The following PTPDC1 variants were observed in gnomAD, a reference collection of about 807,000 sequenced individuals.
PTPDC1 encodes the protein protein tyrosine phosphatase domain containing 1, also known as protein tyrosine phosphatase domain-containing protein 1.
A neutral mutation model predicts 75.3 loss-of-function variants in PTPDC1; 53 were observed. The ratio of observed to expected loss-of-function variants is 0.70; its 90% CI spans 0.56 to 0.88. The LOEUF (loss-of-function observed/expected upper bound fraction) is 0.88, where lower values mean the gene tolerates loss of function less well. PTPDC1 is among the 40% of genes least tolerant of loss of function. PTPDC1 has a pLI of 0.00. For missense variants in PTPDC1, 925 were observed against 998.6 expected, an observed-to-expected ratio of 0.93 and a Z score of 0.99; for synonymous variants, 349 against 366.2, an observed-to-expected ratio of 0.95 and a Z score of 0.54.
intron 1 of PTPDC1, chr9:94,038,194 C>G (rs1222407456): frequency 1.3e-6 from 1 of 751,568 alleles, no homozygotes; most frequent in African/African-American, 1.7e-5. Context: ...CCAATAAAAA[C>G]AAAGGCATCA....
intron 4 of PTPDC1, 75 bp from the exon 5 acceptor site, chr9:94,095,242 T>C (rs1827513178): frequency 9.5e-7 from 1 of 1,055,800 alleles, no homozygotes; most frequent in African/African-American, 1.8e-5. Context: ...TGTAGATCTG[T>C]GTACTTTTCA....
intron 2 of PTPDC1, among the ~76,000 whole-genome samples, chr9:94,078,143 T>C (rs939925656): frequency 6.6e-6 from 1 of 152,204 alleles, no homozygotes; most frequent in African/African-American, 2.4e-5. Flanking sequence ...CACATTAGTC[T>C]TGGGTAACTT....
chr9:94,096,903 G>C (rs988705106), intron 5 of PTPDC1, among the ~76,000 whole-genome samples: 41 of 152,326 alleles, frequency 2.7e-4, no homozygotes, highest in African/African-American at 8.7e-4. Context: ...GGATTGATTG[G>C]ATGGAAATTC....
Position 94,069,493 on chromosome 9 carries a change from A to C in PTPDC1, c.82+4672A>C, listed in dbSNP as rs550241544. Among the ~76,000 whole-genome samples, 8 of 150,216 alleles carry C rather than the reference A, an allele frequency of 5.3e-5. No homozygotes were observed. In the East Asian group the frequency reaches 1.6e-3, roughly 29 times the overall value. On this transcript the variant is annotated intron_variant, in intron 2 of 9. Coordinates refer to the PTPDC1 transcript ENST00000375360. ...CTGTTTCTGTCTATATATATTGAAA[A>C]CCACAAGTTCACTTTGGTACTTCCA... is the stretch of plus-strand genomic sequence containing the variant.
At chr9:94,046,465 T>C (rs1399793678) in intron 1 of PTPDC1, among the ~76,000 whole-genome samples, 1 of 152,226 alleles carries the variant, frequency 6.6e-6, no homozygotes, top group Non-Finnish European at 1.5e-5. Context: ...TATTGATTCT[T>C]CCTACCTATG....
chr9:94,104,482 C>T, intron 8 of PTPDC1, 97 bp downstream of exon 8: 1 of 729,448 alleles, frequency 1.4e-6, no homozygotes, highest in Non-Finnish European at 2.3e-6. Flanking sequence ...TAAAATAAAA[C>T]ATGTATGTGT....
chr9:94,039,575 G>A (rs557285747), intron 1 of PTPDC1, among the ~76,000 whole-genome samples: 1 of 152,204 alleles, frequency 6.6e-6, no homozygotes, highest in African/African-American at 2.4e-5. Context: ...CTTAAGCTCA[G>A]GAATTCAAGA....
intron 1 of PTPDC1, among the ~76,000 whole-genome samples, chr9:94,050,260 G>A (rs753110652): frequency 9.2e-5 from 14 of 152,216 alleles, no homozygotes; most frequent in Admixed American, 1.3e-4. Context: ...CTGGTGAGGA[G>A]CTGTGTTCCT....
intron 2 of PTPDC1, among the ~76,000 whole-genome samples, chr9:94,065,022 G>A (rs1259075331): frequency 6.6e-6 from 1 of 152,192 alleles, no homozygotes; most frequent in Non-Finnish European, 1.5e-5. Flanking sequence ...CTTTTAAGAA[G>A]GAGTATTGCA....
At chr9:94,079,483 A>T (rs1826806441), upstream of PTPDC1, among the ~76,000 whole-genome samples, 3 of 152,030 alleles carry the variant, frequency 2.0e-5, no homozygotes, top group Non-Finnish European at 2.9e-5. Flanking sequence ...GCTGTTTTTG[A>T]GGTCAGTCTT....
At chr9:94,095,236 G>T in intron 4 of PTPDC1, 81 bp from the exon 5 acceptor site, 1 of 1,096,704 alleles carries the variant, frequency 9.1e-7, no homozygotes, top group Non-Finnish European at 1.3e-6. Flanking sequence ...TCTCAGTGTA[G>T]ATCTGTGTAC....
upstream of PTPDC1, among the ~76,000 whole-genome samples, chr9:94,080,751 A>G (rs1826848844): frequency 6.6e-6 from 1 of 152,234 alleles, no homozygotes; most frequent in Non-Finnish European, 1.5e-5. Flanking sequence ...AAACAGGACA[A>G]CTAAATACAA....
intron 1 of PTPDC1, among the ~76,000 whole-genome samples, chr9:94,039,030 C>T (rs1441407033): frequency 6.6e-6 from 1 of 152,078 alleles, no homozygotes; most frequent in African/African-American, 2.4e-5. Flanking sequence ...TAATCTAAGT[C>T]AAACTAAGTT....
intron 2 of PTPDC1, among the ~76,000 whole-genome samples, chr9:94,075,214 G>A (rs1826644949): frequency 6.6e-6 from 1 of 152,184 alleles, no homozygotes; most frequent in African/African-American, 2.4e-5. Context: ...ATTGGGGTAT[G>A]GAAAATTAGC....
At chr9:94,036,584 T>C (rs1825277147) in intron 1 of PTPDC1, among the ~76,000 whole-genome samples, 2 of 152,200 alleles carry the variant, frequency 1.3e-5, no homozygotes, top group South Asian at 4.1e-4. Context: ...CCTTGTGATA[T>C]TAACCCGTAA....
At chr9:94,059,816 C>A (rs1826073625) in intron 1 of PTPDC1, among the ~76,000 whole-genome samples, 1 of 152,102 alleles carries the variant, frequency 6.6e-6, no homozygotes, top group Admixed American at 6.6e-5. Flanking sequence ...TTAATTATCC[C>A]TAATGAATAT....
At chr9:94,054,151 G>A (rs1489581722) in intron 1 of PTPDC1, among the ~76,000 whole-genome samples, 2 of 152,156 alleles carry the variant, frequency 1.3e-5, no homozygotes, top group Admixed American at 6.5e-5. Context: ...CAATAGACAG[G>A]ACAAATAAAT....
chr9:94,069,215 T>C (rs780972699), intron 2 of PTPDC1, among the ~76,000 whole-genome samples: 10 of 152,228 alleles, frequency 6.6e-5, no homozygotes, highest in Admixed American at 6.5e-4. Context: ...TACATATACA[T>C]ATGTACCTGT....
rs777454855 is a variant in PTPDC1 at position 94,084,674 on chromosome 9, C to T, written c.144C>T (p.Ala48=). ...GCTCTGGCTTGGGCTCCGGCTCTGC[C>T]ACGAAGCTGCTGTCCTCGTCCTCTC... ...RRGSGLGSGS[A]TKLLSSSSLQ... Residue 48 remains alanine (A), a synonymous_variant, in exon 1 of 9, where the codon GCC becomes GCT. Transcript: ENST00000620992. 6.2e-7 allele frequency: 1 copy of T among 1,613,804 alleles called. No individual in the cohort carries two copies. The highest frequency in any genetic ancestry group is 1.7e-5 in the Admixed American group (1 of 59,988).
Sources: gnomAD v4.1 joint callset for allele counts (sites outside exome capture counted in the v4.1 genomes callset) on GRCh38, gnomAD v4.1.1 for gene constraint, MANE v1.5 for transcripts, NCBI Gene and HGNC (gene_info 2026-07-23, HGNC 2026-07-21) for gene names.